The following LZTFL1 variants were observed in gnomAD, a reference collection of about 807,000 sequenced individuals.
The protein encoded by LZTFL1 is leucine zipper transcription factor-like protein 1.
Under a neutral mutation model 45.9 loss-of-function variants are expected in LZTFL1, and 25 were observed. The ratio of observed to expected loss-of-function variants is 0.54; its 90% CI spans 0.40 to 0.76. LZTFL1 has a LOEUF of 0.76. Among genes scored for constraint, LZTFL1 ranks in the 30% least tolerant of loss-of-function variants. The pLI is 0.00. For synonymous variants in LZTFL1, 93 were observed against 117.4 expected, an observed-to-expected ratio of 0.79 and a Z score of 1.35; for missense variants, 277 against 331.1, an observed-to-expected ratio of 0.84 and a Z score of 1.27.
chr3:45,891,540 TC>T lies in LZTFL1; in HGVS notation c.-215+21579del, dbSNP rs1702179387. Among the ~76,000 whole-genome samples the T allele has an allele frequency of 2.0e-5, 3 of 152,270 alleles. No individual in the cohort carries two copies. The East Asian group carries it at 5.8e-4, about 29-fold the overall frequency. ...CTGTTCTCTTTTGCCCCTAAATACT[TC>T]AGGGGATAATTCCTAAGAACAGGGG... On this transcript the variant is annotated intron_variant, in intron 2 of 4. Coordinates refer to the LZTFL1 transcript ENST00000472635.
intron 4 of LZTFL1, among the ~76,000 whole-genome samples, chr3:45,852,006 A>T (rs1701317465): frequency 6.6e-6 from 1 of 152,182 alleles, no homozygotes; most frequent in East Asian, 1.9e-4. Flanking sequence ...TATCTCCTAA[A>T]GCATTCCTAG....
chr3:45,914,041 C>A (rs532855047), intron 1 of LZTFL1, among the ~76,000 whole-genome samples: 1 of 152,192 alleles, frequency 6.6e-6, no homozygotes, highest in Non-Finnish European at 1.5e-5. Flanking sequence ...TCCATCATTG[C>A]GCCCTAGTGC....
At chr3:45,879,978 G>A (rs1701822688) in intron 2 of LZTFL1, among the ~76,000 whole-genome samples, 1 of 152,156 alleles carries the variant, frequency 6.6e-6, no homozygotes, top group South Asian at 2.1e-4. Flanking sequence ...CTTCCATCAG[G>A]GGTGGCAGGA....
intron 1 of LZTFL1, 135 bp downstream of exon 1, chr3:45,841,854 C>T: frequency 1.7e-6 from 2 of 1,190,880 alleles, no homozygotes; most frequent in Non-Finnish European, 2.4e-6. Flanking sequence ...GCGCAGCTCC[C>T]CTTCTCAGGG....
At position 45,901,699 on chromosome 3, in the gene LZTFL1, C is replaced by T. The variant is rs769206154; in HGVS notation, c.-215+11421G>A. The T allele has an allele frequency of 2.5e-6, 4 of 1,614,178 alleles. No homozygotes were observed. Among genetic ancestry groups the T allele is most frequent in the Non-Finnish European group, 3.4e-6 (4 of 1,179,972 alleles). On this transcript the variant is annotated intron_variant, in intron 2 of 4. Transcript: ENST00000472635. This position sits in a 1 kb window ranked among gnomAD's most constrained non-coding sequence, Gnocchi z 4.3. ...GACATCTGCTTCCAGGTCACCCAGA[C>T]CATCGCCTTCTTCCACAGTTGCCTG...
At chr3:45,876,188 G>A (rs1022653602) in intron 2 of LZTFL1, among the ~76,000 whole-genome samples, 1 of 152,142 alleles carries the variant, frequency 6.6e-6, no homozygotes, top group Non-Finnish European at 1.5e-5. Context: ...GGCTCTTGAC[G>A]CTCAGGGACA....
chr3:45,888,904 G>A (rs920782947), intron 2 of LZTFL1, among the ~76,000 whole-genome samples: 1 of 152,194 alleles, frequency 6.6e-6, no homozygotes, highest in South Asian at 2.1e-4. Flanking sequence ...AATTTTCTAT[G>A]AGCCAGAAGC....
upstream of LZTFL1, among the ~76,000 whole-genome samples, chr3:45,844,765 C>T (rs963270525): frequency 6.6e-6 from 1 of 152,140 alleles, no homozygotes; most frequent in African/African-American, 2.4e-5. Context: ...CTGAAGTAGG[C>T]AAGAGGCTAT....
At chr3:45,845,550 T>C (rs1423076758), upstream of LZTFL1, among the ~76,000 whole-genome samples, 2 of 152,100 alleles carry the variant, frequency 1.3e-5, no homozygotes, top group Non-Finnish European at 2.9e-5. Context: ...AGTAGAAGTG[T>C]CCAGAGATGT....
At chr3:45,893,521 G>A (rs1241854664) in intron 2 of LZTFL1, among the ~76,000 whole-genome samples, 1 of 152,138 alleles carries the variant, frequency 6.6e-6, no homozygotes, top group Non-Finnish European at 1.5e-5. Flanking sequence ...GTATAGATTA[G>A]TTTGCATTAT....
At chr3:45,859,656 T>C (rs974412527) in intron 2 of LZTFL1, among the ~76,000 whole-genome samples, 2 of 143,530 alleles carry the variant, frequency 1.4e-5, no homozygotes, top group African/African-American at 5.5e-5. Flanking sequence ...TTTTTTTTTT[T>C]GGCAGAGTCT....
intron 2 of LZTFL1, among the ~76,000 whole-genome samples, chr3:45,896,175 C>G (rs1200706771): frequency 6.6e-6 from 1 of 152,256 alleles, no homozygotes; most frequent in Non-Finnish European, 1.5e-5. Context: ...ATTAAATTCA[C>G]CTTTCAATCC....
At chr3:45,905,229 T>C (rs1296300224) in intron 2 of LZTFL1, among the ~76,000 whole-genome samples, 1 of 152,160 alleles carries the variant, frequency 6.6e-6, no homozygotes, top group Non-Finnish European at 1.5e-5. Flanking sequence ...ATAGTGCTTC[T>C]GCAATAAAGT....
intron 1 of LZTFL1, among the ~76,000 whole-genome samples, chr3:45,839,279 G>A (rs564030240): frequency 3.3e-5 from 5 of 152,142 alleles, no homozygotes; most frequent in East Asian, 3.9e-4. Flanking sequence ...TAGTAGAGAC[G>A]GGGTTTCACC....
upstream of LZTFL1, among the ~76,000 whole-genome samples, chr3:45,845,625 G>A (rs1423802230): frequency 6.6e-6 from 1 of 152,194 alleles, no homozygotes; most frequent in African/African-American, 2.4e-5. Context: ...ATACAAGGAT[G>A]GAGCACCTTT....
At position 45,825,224 on chromosome 3, in the gene LZTFL1, GA is replaced by G; in HGVS notation, c.*1089del. 1 of 232,704 alleles carries G rather than the reference GA, an allele frequency of 4.3e-6. No individual in the cohort carries two copies. The allele number at this position is 232,704 out of a possible 1,614,324, so 14.4% of individuals were successfully genotyped here. A position where few individuals can be genotyped will look rare whatever the true frequency, so the allele number is the denominator to read the frequency against. On this transcript the variant is annotated 3_prime_UTR_variant, in exon 10 of 10. Coordinates refer to ENST00000296135, the MANE Select transcript of LZTFL1 (RefSeq NM_020347.4). Reference sequence around the variant, plus strand: ...GTGATACTCTCACTTTTAGAAGCAGGAAAAATTACTAAATATTAATATGTGA... The same window carrying G: ...GTGATACTCTCACTTTTAGAAGCAGGAAAATTACTAAATATTAATATGTGA...
chr3:45,860,080 G>A (rs535014839), intron 2 of LZTFL1, among the ~76,000 whole-genome samples: 19 of 152,160 alleles, frequency 1.2e-4, no homozygotes, highest in Admixed American at 6.6e-4. Flanking sequence ...AAAATTTAAT[G>A]TAGATTTTAA....
intron 4 of LZTFL1, among the ~76,000 whole-genome samples, chr3:45,851,735 C>A (rs1701312946): frequency 6.6e-6 from 1 of 151,920 alleles, no homozygotes; most frequent in Non-Finnish European, 1.5e-5. Context: ...GTAATCCCAA[C>A]ACTTTGGGAG....
intron 1 of LZTFL1, among the ~76,000 whole-genome samples, chr3:45,840,830 CTG>C (rs2125693526): frequency 6.6e-6 from 1 of 152,294 alleles, no homozygotes; most frequent in East Asian, 1.9e-4. Context: ...AAGGAGGAAA[CTG>C]TAATGATAAA....
Sources: gnomAD v4.1 joint callset for allele counts (sites outside exome capture counted in the v4.1 genomes callset) on GRCh38, gnomAD v4.1.1 for gene constraint, Gnocchi (gnomAD v3.1) non-coding constraint, MANE v1.5 for transcripts, NCBI Gene and HGNC (gene_info 2026-07-23, HGNC 2026-07-21) for gene names.